The following SLC16A13 variants were observed in gnomAD, a reference collection of about 807,000 sequenced individuals.
SLC16A13 encodes the protein monocarboxylate transporter 13.
A neutral mutation model predicts 28.1 loss-of-function variants in SLC16A13; 28 were observed. That is an observed-to-expected ratio of 1.00 (90% CI 0.74 to 1.37). The LOEUF (loss-of-function observed/expected upper bound fraction) is 1.37. SLC16A13 is among the 40% of genes most tolerant of loss of function. SLC16A13 has a pLI of 0.00. For missense variants in SLC16A13, 482 were observed against 531.8 expected (o/e 0.91, Z 0.92); for synonymous variants, 228 against 241.6 (o/e 0.94, Z 0.52).
In SLC16A13 at chr17:7,038,959, A is replaced by C; in HGVS notation, c.1081+70A>C. 491 of 1,514,844 alleles carry C rather than the reference A, an allele frequency of 3.2e-4. No homozygotes were observed. The highest frequency in any genetic ancestry group is 3.8e-4 in the Non-Finnish European group (431 of 1,131,084). The allele number at this position is 1,514,844 out of a possible 1,614,324, so 93.8% of individuals were successfully genotyped here. Reference sequence around the variant, plus strand: ...ACAACTAGGGGAGGGTACTATTCTCATTACAGTGTATGTGAATATTGCCCT... The same window carrying C: ...ACAACTAGGGGAGGGTACTATTCTCCTTACAGTGTATGTGAATATTGCCCT... On this transcript the variant is annotated intron_variant, in intron 3 of 3. Transcript: ENST00000308027. This position sits in a 1 kb window ranked among gnomAD's most constrained non-coding sequence, Gnocchi z 5.7.
At position 7,039,187 on chromosome 17, in the gene SLC16A13, C is replaced by T. The variant is rs1333363410; in HGVS notation, c.1081+298C>T. On this transcript the variant is annotated intron_variant, in intron 3 of 3. Coordinates refer to ENST00000308027, the MANE Select transcript of SLC16A13 (RefSeq NM_201566.3). The surrounding 1 kb of genome is among the most constrained non-coding windows in gnomAD (Gnocchi z 4.3). The stretch of plus-strand genomic sequence containing the variant: ...GACACAGACGTAGCATTCCAGTGTG[C>T]ACCCTTTCCTTTGGCCTACTGGGCC... Among the ~76,000 whole-genome samples, 1 of 152,198 alleles carries T rather than the reference C, an allele frequency of 6.6e-6. No homozygotes were observed. Among genetic ancestry groups the T allele is most frequent in the Non-Finnish European group, 1.5e-5 (1 of 68,030 alleles).
chr17:7,036,784 G>C lies in SLC16A13; in HGVS notation c.257G>C (p.Gly86Ala). The change falls in exon 2 of 4, where the codon GGA (glycine) becomes GCA (alanine). Residue 86 changes from glycine to alanine, a missense_variant. Coordinates refer to ENST00000308027, the MANE Select transcript of SLC16A13 (RefSeq NM_201566.3). ...GGGCCCAGGCCCGTGGTGATGACTG[G>C]AGGCATCTTGGCTGCGCTGGGGATG... ...KFGPRPVVMT[G>A]GILAALGMLL... 2 of 1,613,882 alleles carry C rather than the reference G, an allele frequency of 1.2e-6. No homozygotes were observed. Among genetic ancestry groups the C allele is most frequent in the South Asian group, 1.1e-5 (1 of 91,088 alleles).
chr17:7,039,469 A>AG lies in SLC16A13; in HGVS notation c.1082-294_1082-293insG, dbSNP rs200698555. On this transcript the variant is annotated intron_variant, in intron 3 of 3. Coordinates refer to ENST00000308027, the MANE Select transcript of SLC16A13 (RefSeq NM_201566.3). This position sits in a 1 kb window ranked among gnomAD's most constrained non-coding sequence, Gnocchi z 4.3. ...AGCGAGACTCCGTCTCAAAAAAAAA[A>AG]AAAAAAGAAAGGCCACAGTTGCCAG... 6.4e-3 allele frequency among the ~76,000 whole-genome samples: 976 copies of AG among 152,250 alleles called. 15 individuals carry two copies. The highest frequency in any genetic ancestry group is 0.02 in the African/African-American group (849 of 41,538).
In SLC16A13 at chr17:7,038,848, T is replaced by C; in HGVS notation, c.1040T>C (p.Met347Thr). Residue 347 changes from methionine to threonine, a missense_variant, in exon 3 of 4, where the codon ATG (methionine) becomes ACG (threonine). Coordinates refer to ENST00000308027, the MANE Select transcript of SLC16A13 (RefSeq NM_201566.3). The surrounding 1 kb of genome is among the most constrained non-coding windows in gnomAD (Gnocchi z 5.7). Reference protein sequence around the residue: ...RIYCGLGLLQMIESIGGLLGP... With the variant: ...RIYCGLGLLQTIESIGGLLGP... ...TACTGTGGCCTGGGACTGTTGCAGATGATAGAGAGCATCGGGGGGCTGCTG... is the reference window on the plus strand; with the variant it reads ...TACTGTGGCCTGGGACTGTTGCAGACGATAGAGAGCATCGGGGGGCTGCTG... 6.2e-7 allele frequency: 1 copy of C among 1,613,362 alleles called. No homozygotes were observed. Among genetic ancestry groups the C allele is most frequent in the Non-Finnish European group, 8.5e-7 (1 of 1,179,676 alleles).
chr17:7,036,470 G>A lies in SLC16A13; in HGVS notation c.88G>A (p.Val30Met). ...CTTCCAGTCGGCGCTTGTGTTTGGG[G>A]TGCTCCGCTCCTTTGGGGTCTTCTT... ...AFFQSALVFG[V>M]LRSFGVFFVE... The change falls in exon 1 of 4, where the codon GTG becomes ATG. Residue 30 changes from valine to methionine, a missense_variant. By Grantham distance (21) the Val-to-Met change is conservative. Transcript: ENST00000308027. The A allele has an allele frequency of 6.2e-7, 1 of 1,612,384 alleles. No homozygotes were observed. Among genetic ancestry groups the A allele is most frequent in the Non-Finnish European group, 8.5e-7 (1 of 1,180,044 alleles).
At position 7,039,434 on chromosome 17, in the gene SLC16A13, T is replaced by TG. The variant is rs1034123719; in HGVS notation, c.1082-326dup. Among the ~76,000 whole-genome samples the TG allele has an allele frequency of 1.4e-5, 2 of 141,580 alleles. No individual in the cohort carries two copies. Among genetic ancestry groups the TG allele is most frequent in the Admixed American group, 1.5e-4 (2 of 13,120 alleles). The allele number at this position is 141,580 out of a possible 152,430, so 92.9% of individuals were successfully genotyped here. The stretch of plus-strand genomic sequence containing the variant: ...GAGATCGCGCCACTGCACTTCAGCC[T>TG]GGGCGACAGAGCGAGACTCCGTCTC... On this transcript the variant is annotated intron_variant, in intron 3 of 3. Transcript: ENST00000308027. This position sits in a 1 kb window ranked among gnomAD's most constrained non-coding sequence, Gnocchi z 4.3.
At chr17:7,036,605 C>A (rs183798237) in intron 1 of SLC16A13, 24 bp downstream of exon 1, 30 of 1,611,714 alleles carry the variant, frequency 1.9e-5, no homozygotes, top group Non-Finnish European at 2.5e-5. Context: ...CTGGATCTGG[C>A]GGACTGCGAC....
In SLC16A13 at chr17:7,038,088, C is replaced by A; in HGVS notation, c.344-64C>A. 6.5e-7 allele frequency: 1 copy of A among 1,534,082 alleles called. No homozygotes were observed. The highest frequency in any genetic ancestry group is 8.8e-7 in the Non-Finnish European group (1 of 1,140,392). On this transcript the variant is annotated intron_variant, in intron 2 of 3. Transcript: ENST00000308027. This position sits in a 1 kb window ranked among gnomAD's most constrained non-coding sequence, Gnocchi z 5.7. ...TGCTACATTCTGCTGCTGGGCAATG[C>A]GGGGATTACTGTGTGCCTTGAGCTC...
At chr17:7,036,913 G>T (rs775947626) in intron 2 of SLC16A13, 43 bp downstream of exon 2, 9 of 1,598,208 alleles carry the variant, frequency 5.6e-6, no homozygotes, top group African/African-American at 1.3e-5. Context: ...TGCTTAGATC[G>T]TTGGATGTTC....
At position 7,039,044 on chromosome 17, in the gene SLC16A13, T is replaced by C. The variant is rs537847039; in HGVS notation, c.1081+155T>C. On this transcript the variant is annotated intron_variant, in intron 3 of 3. Coordinates refer to ENST00000308027, the MANE Select transcript of SLC16A13 (RefSeq NM_201566.3). The surrounding 1 kb of genome is among the most constrained non-coding windows in gnomAD (Gnocchi z 4.3). ...CCATAGCATCCCTGAAATGGGTCCA[T>C]GGGGCAAAGAACTTGGGGCTGGGAA... 1.3e-5 allele frequency among the ~76,000 whole-genome samples: 2 copies of C among 152,204 alleles called. No homozygotes were observed. The highest frequency in any genetic ancestry group is 2.1e-4 in the South Asian group (1 of 4,812).
intron 2 of SLC16A13, among the ~76,000 whole-genome samples, 196 bp from the exon 3 acceptor site, chr17:7,037,956 G>T (rs1002673505): frequency 7.9e-5 from 12 of 152,210 alleles, no homozygotes; most frequent in African/African-American, 2.7e-4. Context: ...ACATTTTGCA[G>T]TTGAGAAGGT....
At position 7,036,511 on chromosome 17, in the gene SLC16A13, G is replaced by A. The variant is rs199511309; in HGVS notation, c.129G>A (p.Ala43=). Residue 43 remains alanine, a synonymous_variant, in exon 1 of 4, where the codon GCG becomes GCA. Coordinates refer to ENST00000308027, the MANE Select transcript of SLC16A13 (RefSeq NM_201566.3). ...GGGTCTTCTTCGTGGAGTTTGTGGC[G>A]GCGTTTGAGGAGCAGGCAGCGCGCG... The part of the protein sequence containing the change: ...SFGVFFVEFV[A]AFEEQAARVS... 1.2e-6 allele frequency: 2 copies of A among 1,612,534 alleles called. No individual in the cohort carries two copies. Among genetic ancestry groups the A allele is most frequent in the Admixed American group, 3.3e-5 (2 of 60,032 alleles).
In SLC16A13 at chr17:7,036,849, C is replaced by G; in HGVS notation, c.322C>G (p.Leu108Val). ...SFATSLTHLY[L>V]SIGLLSGSGW... is the part of the protein sequence containing the mutation. Reference sequence around the variant, plus strand: ...TGCTACTTCCTTGACCCACCTATACCTGAGTATTGGGTTGCTGTCAGGTGA... The same window carrying G: ...TGCTACTTCCTTGACCCACCTATACGTGAGTATTGGGTTGCTGTCAGGTGA... The change falls in exon 2 of 4, where the codon CTG (leucine) becomes GTG (valine). Residue 108 changes from leucine to valine, a missense_variant. Leu to Val is a conservative substitution (Grantham distance 32). Transcript: ENST00000308027. The G allele has an allele frequency of 3.1e-6, 5 of 1,613,330 alleles. No homozygotes were observed. The highest frequency in any genetic ancestry group is 4.2e-6 in the Non-Finnish European group (5 of 1,180,028).
In SLC16A13 at chr17:7,036,479, TC is replaced by T; in HGVS notation, c.99del (p.Phe34LeufsTer25). On this transcript the variant is annotated frameshift_variant, in exon 1 of 4. Transcript: ENST00000308027. LOFTEE classifies it high-confidence loss of function. ...QSALVFGVLR[S>X]FGVFFVEFVA... ...GGCGCTTGTGTTTGGGGTGCTCCGCTCCTTTGGGGTCTTCTTCGTGGAGTTT... is the reference window on the plus strand; with the variant it reads ...GGCGCTTGTGTTTGGGGTGCTCCGCTCTTTGGGGTCTTCTTCGTGGAGTTT... 6.2e-7 allele frequency: 1 copy of T among 1,612,426 alleles called. No homozygotes were observed. Among genetic ancestry groups the T allele is most frequent in the South Asian group, 1.1e-5 (1 of 91,004 alleles).
Position 7,038,055 on chromosome 17 carries a change from G to C in SLC16A13, c.344-97G>C, listed in dbSNP as rs911305615. ...TTGTATCCCAGGTCTGTGGGACTCC[G>C]AAGCAAGTGCTACATTCTGCTGCTG... On this transcript the variant is annotated intron_variant, in intron 2 of 3. Transcript: ENST00000308027. This position sits in a 1 kb window ranked among gnomAD's most constrained non-coding sequence, Gnocchi z 5.7. 7.0e-7 allele frequency: 1 copy of C among 1,424,218 alleles called. No individual in the cohort carries two copies. Among genetic ancestry groups the C allele is most frequent in the South Asian group, 1.3e-5 (1 of 74,676 alleles). 88.2% of individuals were successfully genotyped at this position (1,424,218 alleles called of 1,614,324 possible). A position where few individuals can be genotyped will look rare whatever the true frequency, so the allele number is the denominator to read the frequency against.
rs184174774 is a variant in SLC16A13 at position 7,038,641 on chromosome 17, G to T, written c.833G>T (p.Gly278Val). 723 of 1,614,164 alleles carry T rather than the reference G, an allele frequency of 4.5e-4. 6 individuals carry two copies. In the South Asian group the frequency reaches 6.1e-3, roughly 14 times the overall value. ...GGATGGCTGGGAGATGCAGTCCCAG[G>T]GCCTGTGACACGACTCCTGATGCTC... ...VSGWLGDAVP[G>V]PVTRLLMLWT... Residue 278 changes from glycine to valine, a missense_variant, in exon 3 of 4, where the codon GGG becomes GTG. Physicochemically the swap from Gly to Val is moderately radical, Grantham distance 109 (BLOSUM62 -3). Coordinates refer to ENST00000308027, the MANE Select transcript of SLC16A13 (RefSeq NM_201566.3). This position sits in a 1 kb window ranked among gnomAD's most constrained non-coding sequence, Gnocchi z 5.7.
At position 7,039,438 on chromosome 17, in the gene SLC16A13, C is replaced by T. The variant is rs564013151; in HGVS notation, c.1082-325C>T. On this transcript the variant is annotated intron_variant, in intron 3 of 3. Coordinates refer to ENST00000308027, the MANE Select transcript of SLC16A13 (RefSeq NM_201566.3). This position sits in a 1 kb window ranked among gnomAD's most constrained non-coding sequence, Gnocchi z 4.3. ...TCGCGCCACTGCACTTCAGCCTGGG[C>T]GACAGAGCGAGACTCCGTCTCAAAA... is the stretch of plus-strand genomic sequence containing the variant. Among the ~76,000 whole-genome samples, 3 of 145,754 alleles carry T rather than the reference C, an allele frequency of 2.1e-5. No individual in the cohort carries two copies. The highest frequency in any genetic ancestry group is 4.5e-5 in the Non-Finnish European group (3 of 67,284).
rs760089269 is a variant in SLC16A13 at position 7,036,497 on chromosome 17, G to A, written c.115G>A (p.Val39Met). The change falls in exon 1 of 4, where the codon GTG (valine) becomes ATG (methionine). Residue 39 changes from valine to methionine, a missense_variant. Physicochemically the swap from Val to Met is conservative, Grantham distance 21. Transcript: ENST00000308027. ...GVLRSFGVFF[V>M]EFVAAFEEQA... ...GCTCCGCTCCTTTGGGGTCTTCTTC[G>A]TGGAGTTTGTGGCGGCGTTTGAGGA... 1.9e-6 allele frequency: 3 copies of A among 1,612,500 alleles called. No individual in the cohort carries two copies. The highest frequency in any genetic ancestry group is 2.5e-6 in the Non-Finnish European group (3 of 1,180,022).
rs11652868 is a variant in SLC16A13 at position 7,036,203 on chromosome 17, C to T, written c.-180C>T. 0.62 allele frequency: 386,104 copies of T among 618,804 alleles called. 126,771 individuals carry two copies. Among genetic ancestry groups the T allele is most frequent in the East Asian group, 0.77 (27,761 of 36,044 alleles). 38.3% of individuals were successfully genotyped at this position (618,804 alleles called of 1,614,324 possible). On this transcript the variant is annotated 5_prime_UTR_variant, in exon 1 of 4. Coordinates refer to ENST00000308027, the MANE Select transcript of SLC16A13 (RefSeq NM_201566.3). ...CCAGGTCTTCAGTCCTATATCGCCC[C>T]GCCTTGGGAAAAGGTGCAGGGGCCT...
Sources: gnomAD v4.1 joint callset for allele counts (sites outside exome capture counted in the v4.1 genomes callset) on GRCh38, gnomAD v4.1.1 for gene constraint, Gnocchi (gnomAD v3.1) non-coding constraint, MANE v1.5 for transcripts, NCBI Gene and HGNC (gene_info 2026-07-23, HGNC 2026-07-21) for gene names.